Variants in ARHGEF4 observed in about 807,000 individuals in gnomAD.
ARHGEF4 encodes APC-stimulated guanine nucleotide exchange factor 1.
A neutral mutation model predicts 162.0 loss-of-function variants in ARHGEF4; 119 were observed. The ratio of observed to expected loss-of-function variants is 0.73; its 90% confidence interval spans 0.63 to 0.86. ARHGEF4 has a LOEUF of 0.86. Ranked by LOEUF, ARHGEF4 falls within the 40% of genes least tolerant of loss-of-function variation. ARHGEF4 has a pLI of 0.00. For missense variants in ARHGEF4, 2,488 were observed against 2,456.0 expected (o/e 1.01, Z -0.28); for synonymous variants, 1,014 against 979.9 (o/e 1.03, Z -0.65).
chr2:130,898,435 T>C (rs1327994689), intron 1 of ARHGEF4, among the ~76,000 whole-genome samples: 1 of 152,220 alleles, frequency 6.6e-6, no homozygotes, highest in Non-Finnish European at 1.5e-5. Flanking sequence ...TCTTTCTTCA[T>C]GTCCCTAGTG....
chr2:130,866,911 T>C (rs951517733), intron 1 of ARHGEF4, among the ~76,000 whole-genome samples: 2 of 152,246 alleles, frequency 1.3e-5, no homozygotes, highest in Non-Finnish European at 2.9e-5. Context: ...TCTCTACTTC[T>C]GTTTTCTGGA....
At chr2:130,974,273 A>G (rs1685551184) in intron 4 of ARHGEF4, among the ~76,000 whole-genome samples, 2 of 141,452 alleles carry the variant, frequency 1.4e-5, no homozygotes, top group Admixed American at 1.4e-4. Context: ...TCTTGTCTGG[A>G]AAAAAAAAAA....
At chr2:130,866,539 A>C (rs1269905099) in intron 1 of ARHGEF4, among the ~76,000 whole-genome samples, 2 of 152,032 alleles carry the variant, frequency 1.3e-5, no homozygotes, top group Admixed American at 6.6e-5. Flanking sequence ...TTCTTTATCA[A>C]GGTAAGGACG....
At chr2:130,904,766 G>A (rs1680708459) in intron 1 of ARHGEF4, among the ~76,000 whole-genome samples, 1 of 131,344 alleles carries the variant, frequency 7.6e-6, no homozygotes, top group South Asian at 2.7e-4. Flanking sequence ...TTAGAGGAGA[G>A]GAACAATTTT....
intron 1 of ARHGEF4, among the ~76,000 whole-genome samples, chr2:130,843,248 C>T (rs1292902310): frequency 1.3e-5 from 2 of 152,198 alleles, no homozygotes; most frequent in African/African-American, 2.4e-5. Flanking sequence ...ACATTTGTGG[C>T]GGAAGGAGGG....
At chr2:130,924,449 G>A (rs945534722) in intron 2 of ARHGEF4, among the ~76,000 whole-genome samples, 5 of 152,036 alleles carry the variant, frequency 3.3e-5, no homozygotes, top group Admixed American at 3.3e-4. Flanking sequence ...TATAATTTTA[G>A]TAGAGACGGG....
chr2:130,879,552 TA>T (rs1417380647), intron 1 of ARHGEF4, among the ~76,000 whole-genome samples: 2 of 152,182 alleles, frequency 1.3e-5, no homozygotes, highest in African/African-American at 4.8e-5. Context: ...TCCTCCTGTC[TA>T]ACTGAAATTT....
At chr2:130,973,412 C>T (rs1473389781) in intron 4 of ARHGEF4, among the ~76,000 whole-genome samples, 1 of 152,180 alleles carries the variant, frequency 6.6e-6, no homozygotes, top group Non-Finnish European at 1.5e-5. Context: ...TTACTTGAAC[C>T]TGGGAGGTGG....
At chr2:130,846,622 A>G (rs1680981821) in intron 1 of ARHGEF4, among the ~76,000 whole-genome samples, 1 of 152,124 alleles carries the variant, frequency 6.6e-6, no homozygotes, top group South Asian at 2.1e-4. Flanking sequence ...GGCTTGAGGA[A>G]GCTGGACTTT....
chr2:130,942,715 T>C (rs979962465), intron 3 of ARHGEF4, among the ~76,000 whole-genome samples: 3 of 152,192 alleles, frequency 2.0e-5, no homozygotes, highest in African/African-American at 7.2e-5. Flanking sequence ...TCTAAATAGA[T>C]TAGGATTTCG....
At chr2:130,974,926 AAGAATTGTTTAACAG>A (rs1413039538) in intron 4 of ARHGEF4, among the ~76,000 whole-genome samples, 1 of 152,200 alleles carries the variant, frequency 6.6e-6, no homozygotes, top group African/African-American at 2.4e-5. Context: ...CCTATAATCC[AAGAATTGTTTAACAG>A]AGACTCAATT....
chr2:130,915,186 G>A lies in ARHGEF4; in HGVS notation c.1240G>A (p.Ala414Thr). Residue 414 changes from alanine (A) to threonine (T), a missense_variant, in exon 2 of 14, where the codon GCC becomes ACC. By Grantham distance (58) the Ala-to-Thr change is moderately conservative (BLOSUM62 0). Transcript: ENST00000409359. The stretch of plus-strand genomic sequence containing the variant: ...GCCTGGTGGGTTTCGCTTGCAAAGG[G>A]CCTCTCAGGACACTCCTTCTGCAGG... The part of the protein sequence containing the change: ...CKPGGFRLQR[A>T]SQDTPSAGLL... 3 of 1,550,620 alleles carry A rather than the reference G, an allele frequency of 1.9e-6. No homozygotes were observed. The highest frequency in any genetic ancestry group is 4.9e-5 in the East Asian group (2 of 40,906).
At chr2:130,980,531 C>T (rs1170728980) in intron 4 of ARHGEF4, among the ~76,000 whole-genome samples, 1 of 152,156 alleles carries the variant, frequency 6.6e-6, no homozygotes, top group Admixed American at 6.5e-5. Flanking sequence ...CACTTAAATA[C>T]TATACAACGA....
At chr2:130,986,173 T>A (rs1030991337) in intron 4 of ARHGEF4, among the ~76,000 whole-genome samples, 2 of 151,810 alleles carry the variant, frequency 1.3e-5, no homozygotes, top group African/African-American at 2.4e-5. Flanking sequence ...GTGTATGTTG[T>A]GTTGCACGTG....
chr2:130,964,440 C>G (rs1684861808), intron 4 of ARHGEF4, among the ~76,000 whole-genome samples: 1 of 152,216 alleles, frequency 6.6e-6, no homozygotes, highest in South Asian at 2.1e-4. Flanking sequence ...CTTCTGATTC[C>G]CACTGCCTGT....
At chr2:131,000,922 G>A (rs2105309353) in intron 4 of ARHGEF4, among the ~76,000 whole-genome samples, 1 of 152,238 alleles carries the variant, frequency 6.6e-6, no homozygotes. Context: ...GGGGAGTAGT[G>A]GCGGACTTAG....
chr2:130,865,621 A>C (rs76383965), intron 1 of ARHGEF4, among the ~76,000 whole-genome samples: 2 of 152,182 alleles, frequency 1.3e-5, no homozygotes, highest in Admixed American at 6.5e-5. Flanking sequence ...GGTGCTGTCG[A>C]CTGCTGATCT....
chr2:130,993,606 A>G (rs1042273987), intron 4 of ARHGEF4, among the ~76,000 whole-genome samples: 6 of 152,118 alleles, frequency 3.9e-5, no homozygotes, highest in Non-Finnish European at 8.8e-5. Flanking sequence ...TAATAGAAGC[A>G]TACAAATTTA....
At chr2:130,856,368 A>T (rs1271615334) in intron 1 of ARHGEF4, among the ~76,000 whole-genome samples, 1 of 152,228 alleles carries the variant, frequency 6.6e-6, no homozygotes, top group Non-Finnish European at 1.5e-5. Flanking sequence ...GACACTATTA[A>T]GTGCACCAAC....
Sources: allele counts gnomAD v4.1 joint callset (sites outside exome capture counted in the v4.1 genomes callset), GRCh38; gene constraint gnomAD v4.1.1; transcripts MANE v1.5; gene names NCBI Gene and HGNC (gene_info 2026-07-23, HGNC 2026-07-21).